Variants in TMPRSS15 observed in about 807,000 individuals in gnomAD.
The protein encoded by TMPRSS15 is transmembrane serine protease 15.
Under a neutral mutation model 125.3 loss-of-function variants are expected in TMPRSS15, and 128 were observed. The ratio of observed to expected loss-of-function variants is 1.02; its 90% confidence interval spans 0.89 to 1.18. TMPRSS15 has a LOEUF of 1.18. Ranked by LOEUF, TMPRSS15 falls within the 50% of genes most tolerant of loss-of-function variation. The probability of loss-of-function intolerance (pLI) is 0.00; values close to 1 mark genes in which losing one functional copy is unlikely to be tolerated. For missense variants in TMPRSS15, 1,283 were observed against 1,212.7 expected (o/e 1.06, Z -0.86); for synonymous variants, 446 against 423.2 (o/e 1.05, Z -0.66).
intron 9 of TMPRSS15, 37 bp downstream of exon 9, chr21:18,353,686 C>T (rs573951594): frequency 1.3e-6 from 2 of 1,587,384 alleles, no homozygotes; most frequent in South Asian, 2.3e-5. Flanking sequence ...ATTAAAGCAT[C>T]TAAAAATTAA....
intron 23 of TMPRSS15, among the ~76,000 whole-genome samples, chr21:18,278,167 A>G (rs1312665971): frequency 1.3e-5 from 2 of 152,340 alleles, no homozygotes; most frequent in African/African-American, 2.4e-5. Context: ...AGGCCTTCAC[A>G]TTATAAATAA....
intron 10 of TMPRSS15, among the ~76,000 whole-genome samples, chr21:18,345,740 C>CAAAAAAAAAAAAAA (rs1235619873): frequency 0.015 from 231 of 15,540 alleles, 52 homozygotes; most frequent in South Asian, 0.032. Flanking sequence ...GACTCCGTCT[C>CAAAAAAAAAAAAAA]AAAAAAAAAA....
At position 18,396,796 on chromosome 21, in the gene TMPRSS15, G is replaced by A. The variant is rs79915069; in HGVS notation, c.344+1083C>T. On this transcript the variant is annotated intron_variant, in intron 3 of 24. Coordinates refer to ENST00000284885, the MANE Select transcript of TMPRSS15 (RefSeq NM_002772.3). ...CTCAAAAAAAAAAAAAAAAAAATCT[G>A]TCTGTCTGTCTGTCTATCTATCTAT... Among the ~76,000 whole-genome samples, 574 of 103,180 alleles carry A rather than the reference G, an allele frequency of 5.6e-3. 13 individuals are homozygous for A. Among genetic ancestry groups the A allele is most frequent in the African/African-American group, 0.021 (531 of 25,426 alleles). 67.7% of individuals were successfully genotyped at this position (103,180 alleles called of 152,430 possible).
chr21:18,351,421 T>G (rs180678874), intron 10 of TMPRSS15, among the ~76,000 whole-genome samples: 2 of 152,256 alleles, frequency 1.3e-5, no homozygotes, highest in East Asian at 3.9e-4. Flanking sequence ...GTAATCTACA[T>G]AGTCCCCATG....
At chr21:18,422,985 CG>C (rs1338554639) in intron 1 of TMPRSS15, among the ~76,000 whole-genome samples, 1 of 152,136 alleles carries the variant, frequency 6.6e-6, no homozygotes, top group African/African-American at 2.4e-5. Context: ...GCTCAGCTAG[CG>C]CAGATTTCCT....
At chr21:18,389,909 T>G (rs2075976803) in intron 3 of TMPRSS15, among the ~76,000 whole-genome samples, 1 of 152,184 alleles carries the variant, frequency 6.6e-6, no homozygotes, top group Admixed American at 6.5e-5. Flanking sequence ...TTCTATAAAG[T>G]CAGGCTCACT....
intron 1 of TMPRSS15, among the ~76,000 whole-genome samples, chr21:18,427,523 C>T (rs2076205509): frequency 6.6e-6 from 1 of 152,170 alleles, no homozygotes; most frequent in Non-Finnish European, 1.5e-5. Context: ...ATTTTAGCCA[C>T]AGTTAATAGG....
intron 18 of TMPRSS15, among the ~76,000 whole-genome samples, chr21:18,307,312 A>G (rs1187883088): frequency 5.9e-5 from 9 of 152,182 alleles, no homozygotes; most frequent in Admixed American, 6.5e-5. Context: ...CTTGTGTTAC[A>G]GACACTAAAA....
intron 1 of TMPRSS15, among the ~76,000 whole-genome samples, chr21:18,444,961 A>G (rs987972114): frequency 6.6e-6 from 1 of 152,080 alleles, no homozygotes; most frequent in Admixed American, 6.5e-5. Flanking sequence ...GCTTGGTGCA[A>G]AGTAGTTGCG....
At chr21:18,458,753 G>C (rs1275738649) in intron 1 of TMPRSS15, among the ~76,000 whole-genome samples, 2 of 152,114 alleles carry the variant, frequency 1.3e-5, no homozygotes, top group Non-Finnish European at 2.9e-5. Context: ...AACCCTAACA[G>C]ACCCATGGTA....
chr21:18,366,050 TC>T (rs1483920541), intron 6 of TMPRSS15, among the ~76,000 whole-genome samples: 1 of 152,140 alleles, frequency 6.6e-6, no homozygotes, highest in African/African-American at 2.4e-5. Flanking sequence ...GCATTGTCTT[TC>T]TAAACACCCT....
At chr21:18,459,180 T>C (rs1439035213) in intron 1 of TMPRSS15, among the ~76,000 whole-genome samples, 2 of 152,210 alleles carry the variant, frequency 1.3e-5, no homozygotes, top group African/African-American at 2.4e-5. Flanking sequence ...CCCAGTTAAT[T>C]TGATGCATTT....
At chr21:18,476,875 G>A (rs1978888188) in intron 1 of TMPRSS15, among the ~76,000 whole-genome samples, 1 of 151,724 alleles carries the variant, frequency 6.6e-6, no homozygotes. Context: ...GGTCAGTGCA[G>A]TGAGTGGGTA....
chr21:18,452,484 C>G (rs756749852), intron 1 of TMPRSS15, among the ~76,000 whole-genome samples: 1 of 152,108 alleles, frequency 6.6e-6, no homozygotes, highest in East Asian at 1.9e-4. Context: ...CGCAACATGG[C>G]GAAACCATGT....
chr21:18,271,338 G>A (rs1368842889), intron 24 of TMPRSS15, among the ~76,000 whole-genome samples: 1 of 152,158 alleles, frequency 6.6e-6, no homozygotes, highest in South Asian at 2.1e-4. Context: ...TTTTTAAAAG[G>A]AGTAACTTGT....
chr21:18,279,395 A>AGCT (rs2074664435), intron 22 of TMPRSS15, among the ~76,000 whole-genome samples: 1 of 130,674 alleles, frequency 7.7e-6, no homozygotes, highest in Non-Finnish European at 1.5e-5. Flanking sequence ...GTGCGATCTC[A>AGCT]GCTCACTGCA....
chr21:18,477,349 C>G (rs1016751110), intron 1 of TMPRSS15: 1 of 152,048 alleles, frequency 6.6e-6, no homozygotes, highest in Non-Finnish European at 1.5e-5. Context: ...GAATTCTCAC[C>G]GAACTCTAGG....
intron 1 of TMPRSS15, among the ~76,000 whole-genome samples, chr21:18,427,413 A>G (rs1476363645): frequency 6.6e-6 from 1 of 152,226 alleles, no homozygotes; most frequent in Non-Finnish European, 1.5e-5. Context: ...CATGCTGAAG[A>G]TGGATAAATA....
rs201108486 is a variant in TMPRSS15 at position 18,326,445 on chromosome 21, G to A, written c.1908C>T (p.His636=). ...ATGGGCTCCTACCTGGAATCCCCAA[G>A]TGATAGCCAGTAGTAAAGTTTGCTT... ...GFKANFTTGY[H]LGIPEPCKAD... is the part of the protein sequence containing the mutation. Residue 636 remains histidine, a synonymous_variant, in exon 16 of 25, where the codon CAC becomes CAT. Transcript: ENST00000284885. 1.2e-6 allele frequency: 2 copies of A among 1,614,150 alleles called. No individual in the cohort carries two copies. The highest frequency in any genetic ancestry group is 2.2e-5 in the East Asian group (1 of 44,870).
Sources: gnomAD v4.1 joint callset for allele counts (sites outside exome capture counted in the v4.1 genomes callset) on GRCh38, gnomAD v4.1.1 for gene constraint, MANE v1.5 for transcripts, NCBI Gene and HGNC (gene_info 2026-07-23, HGNC 2026-07-21) for gene names.